NFYA: variants seen among roughly 807,000 people sequenced by gnomAD.
The protein encoded by NFYA is nuclear transcription factor Y subunit alpha.
NFYA carries 28 observed loss-of-function variants against 52.8 expected under a neutral mutation model. The ratio of observed to expected loss-of-function variants is 0.53; its 90% CI spans 0.39 to 0.73. The LOEUF (loss-of-function observed/expected upper bound fraction) is 0.73, where lower values mean the gene tolerates loss of function less well. Ranked by LOEUF, NFYA falls within the 30% of genes least tolerant of loss-of-function variation. The pLI is 0.00. For synonymous variants in NFYA, 150 were observed against 150.7 expected (o/e 1.00, Z 0.03); for missense variants, 234 against 427.0 (o/e 0.55, Z 3.98).
rs192887145 is a variant in NFYA at position 41,075,929 on chromosome 6, T to A, written c.-62+2845T>A. On this transcript the variant is annotated intron_variant, in intron 1 of 9. Transcript: ENST00000341376. ...AACCTTCAGAACAGTGTCTGGCACA[T>A]GGTACATAATTAGTGGAGAGAAGTG... Among the ~76,000 whole-genome samples, 589 of 152,312 alleles carry A rather than the reference T, an allele frequency of 3.9e-3. 11 individuals are homozygous for A. In the South Asian group the frequency reaches 0.061, roughly 16 times the overall value.
intron 8 of NFYA, 64 bp downstream of exon 8, chr6:41,093,149 C>G: frequency 7.0e-7 from 1 of 1,437,500 alleles, no homozygotes; most frequent in Non-Finnish European, 9.5e-7. Context: ...TTGAAATTAT[C>G]TTTTATATGG....
chr6:41,100,432 G>A lies in NFYA; in HGVS notation c.*3022G>A, dbSNP rs1164188154. 6.6e-6 allele frequency among the ~76,000 whole-genome samples: 1 copy of A among 152,126 alleles called. No individual in the cohort carries two copies. Among genetic ancestry groups the A allele is most frequent in the Non-Finnish European group, 1.5e-5 (1 of 68,028 alleles). On this transcript the variant is annotated 3_prime_UTR_variant, in exon 10 of 10. Transcript: ENST00000341376. ...CACCTTGTTACTGTTTTACCTTACG[G>A]TCGCTGGGAATCTAAGCAACAAAGA...
intron 2 of NFYA, among the ~76,000 whole-genome samples, chr6:41,080,218 A>G (rs996830672): frequency 2.0e-5 from 3 of 152,140 alleles, no homozygotes; most frequent in African/African-American, 7.2e-5. Flanking sequence ...GGAGGCTGAG[A>G]CAGGAAGGTT....
Position 41,097,596 on chromosome 6 carries a change from C to G in NFYA, c.*186C>G. On this transcript the variant is annotated 3_prime_UTR_variant, in exon 10 of 10. Transcript: ENST00000341376. The stretch of plus-strand genomic sequence containing the variant: ...ATGCCTGGCAAATTGAAGTTGCAAG[C>G]CTTTGTCTTACTCTTTCAGTCAGGA... The G allele has an allele frequency of 1.7e-6, 1 of 593,662 alleles. No homozygotes were observed. Among genetic ancestry groups the G allele is most frequent in the Non-Finnish European group, 3.0e-6 (1 of 334,130 alleles). The allele number at this position is 593,662 out of a possible 1,614,324, so 36.8% of individuals were successfully genotyped here. A position where few individuals can be genotyped will look rare whatever the true frequency, so the allele number is the denominator to read the frequency against.
chr6:41,076,065 T>C (rs1242513928), intron 1 of NFYA, among the ~76,000 whole-genome samples: 2 of 152,136 alleles, frequency 1.3e-5, no homozygotes, highest in African/African-American at 4.8e-5. Flanking sequence ...TGTTGAGTTG[T>C]GAAAGAAATT....
intron 3 of NFYA, among the ~76,000 whole-genome samples, chr6:41,081,304 A>G (rs1290715453): frequency 6.6e-6 from 1 of 152,134 alleles, no homozygotes; most frequent in Non-Finnish European, 1.5e-5. Context: ...CCTGGCAAAC[A>G]TGGTGAAACC....
intron 4 of NFYA, among the ~76,000 whole-genome samples, chr6:41,087,313 T>C (rs1388654339): frequency 6.6e-6 from 1 of 152,226 alleles, no homozygotes; most frequent in African/African-American, 2.4e-5. Flanking sequence ...GTAGGATCCA[T>C]GAATGTCTCT....
chr6:41,089,578 G>A lies in NFYA; in HGVS notation c.310-1G>A. ...TCCTTTTTTTATGTTCTTTTCTGCA[G>A]ATACAGTTGGTCCCACCTGGACAGA... On this transcript the variant is annotated splice_acceptor_variant, in intron 4 of 9. Transcript: ENST00000341376. LOFTEE classifies it high-confidence loss of function. 6.2e-7 allele frequency: 1 copy of A among 1,605,202 alleles called. No individual in the cohort carries two copies.
At position 41,101,902 on chromosome 6, in the gene NFYA, C is replaced by G. The variant is rs1764511457; in HGVS notation, c.*4492C>G. 1 of 152,210 alleles carries G rather than the reference C, an allele frequency of 6.6e-6. No individual in the cohort carries two copies. Among genetic ancestry groups the G allele is most frequent in the Admixed American group, 6.5e-5 (1 of 15,284 alleles). The allele number at this position is 152,210 out of a possible 1,614,324, so 9.4% of individuals were successfully genotyped here. Reference sequence around the variant, plus strand: ...CATGTTAATGGATAAAGGAATTACTCAGCTTGAAGGGATCTGTTTCCTTTA... The same window carrying G: ...CATGTTAATGGATAAAGGAATTACTGAGCTTGAAGGGATCTGTTTCCTTTA... On this transcript the variant is annotated 3_prime_UTR_variant, in exon 10 of 10. Transcript: ENST00000341376.
At chr6:41,075,980 C>A (rs368675520) in intron 1 of NFYA, among the ~76,000 whole-genome samples, 39 of 152,320 alleles carry the variant, frequency 2.6e-4, no homozygotes, top group African/African-American at 9.1e-4. Context: ...ATCCAGAAAT[C>A]TGTAGGATGA....
At chr6:41,096,270 C>G (rs1261400755) in intron 9 of NFYA, among the ~76,000 whole-genome samples, 1 of 152,212 alleles carries the variant, frequency 6.6e-6, no homozygotes, top group East Asian at 1.9e-4. Context: ...ACAACTCTTT[C>G]AGTGCTATTA....
intron 4 of NFYA, among the ~76,000 whole-genome samples, chr6:41,089,126 G>A (rs1031631766): frequency 1.1e-4 from 17 of 152,050 alleles, no homozygotes; most frequent in African/African-American, 3.9e-4. Context: ...TGGGATTACA[G>A]GCATGCACCA....
intron 5 of NFYA, 69 bp from the exon 6 acceptor site, chr6:41,090,135 A>T: frequency 1.2e-5 from 12 of 1,015,866 alleles, no homozygotes; most frequent in South Asian, 2.9e-5. Flanking sequence ...TTTTTTTTTT[A>T]AGGACTACAT....
At position 41,073,488 on chromosome 6, in the gene NFYA, G is replaced by A. The variant is rs545175735; in HGVS notation, c.-62+404G>A. 1.3e-3 allele frequency among the ~76,000 whole-genome samples: 199 copies of A among 152,160 alleles called. 1 individual carries two copies. Among genetic ancestry groups the A allele is most frequent in the African/African-American group, 4.7e-3 (197 of 41,550 alleles). On this transcript the variant is annotated intron_variant, in intron 1 of 9. Transcript: ENST00000341376. The stretch of plus-strand genomic sequence containing the variant: ...TCGGCGATTTCCTCCTGGTCGTTCT[G>A]GCCGCAAACTTAAACCTGCCCTTGC...
chr6:41,096,743 G>A (rs1764367044), intron 9 of NFYA, among the ~76,000 whole-genome samples: 1 of 152,226 alleles, frequency 6.6e-6, no homozygotes. Flanking sequence ...TGTTAACACG[G>A]TAGGTCTTAA....
Position 41,100,926 on chromosome 6 carries a change from G to C in NFYA, c.*3516G>C, listed in dbSNP as rs910036096. 6.6e-6 allele frequency: 1 copy of C among 152,272 alleles called. No individual in the cohort carries two copies. Among genetic ancestry groups the C allele is most frequent in the African/African-American group, 2.4e-5 (1 of 41,472 alleles). 9.4% of individuals were successfully genotyped at this position (152,272 alleles called of 1,614,324 possible). On this transcript the variant is annotated 3_prime_UTR_variant, in exon 10 of 10. Coordinates refer to ENST00000341376, the MANE Select transcript of NFYA (RefSeq NM_002505.5). ...GATTGGCGTTGTCCCAAGGAAGCCT[G>C]CGCGGATTGATCGGCGGCAGGCCTC...
chr6:41,074,971 T>A (rs917108755), intron 1 of NFYA, among the ~76,000 whole-genome samples: 1 of 151,510 alleles, frequency 6.6e-6, no homozygotes, highest in African/African-American at 2.4e-5. Context: ...TCACATTTAA[T>A]GTTATACAAC....
Position 41,097,508 on chromosome 6 carries a change from C to T in NFYA, c.*98C>T. 7.7e-7 allele frequency: 1 copy of T among 1,294,748 alleles called. No homozygotes were observed. The highest frequency in any genetic ancestry group is 1.2e-5 in the South Asian group (1 of 80,264). 80.2% of individuals were successfully genotyped at this position (1,294,748 alleles called of 1,614,324 possible). A position where few individuals can be genotyped will look rare whatever the true frequency, so the allele number is the denominator to read the frequency against. On this transcript the variant is annotated 3_prime_UTR_variant, in exon 10 of 10. Transcript: ENST00000341376. ...TGGGACATTGATGATCACATTCTGCCCTTTACTACAGGACAGAAACCACTT... is the reference window on the plus strand; with the variant it reads ...TGGGACATTGATGATCACATTCTGCTCTTTACTACAGGACAGAAACCACTT...
chr6:41,090,606 G>C (rs1044925120), intron 6 of NFYA, among the ~76,000 whole-genome samples: 3 of 152,188 alleles, frequency 2.0e-5, no homozygotes, highest in Admixed American at 1.3e-4. Context: ...TTGGTAAAGA[G>C]AGAAATAGAT....
Sources: gnomAD v4.1 joint callset for allele counts (sites outside exome capture counted in the v4.1 genomes callset) on GRCh38, gnomAD v4.1.1 for gene constraint, MANE v1.5 for transcripts, NCBI Gene and HGNC (gene_info 2026-07-23, HGNC 2026-07-21) for gene names.